Variants in RNF152 observed in about 807,000 individuals in gnomAD.
RNF152 encodes ring finger protein 152, also known as E3 ubiquitin-protein ligase RNF152.
Under a neutral mutation model 12.7 loss-of-function variants are expected in RNF152, and 11 were observed. The ratio of observed to expected loss-of-function variants is 0.86; its 90% CI spans 0.54 to 1.43. The LOEUF (loss-of-function observed/expected upper bound fraction) is 1.43, where lower values mean the gene tolerates loss of function less well. Ranked by LOEUF, RNF152 falls within the 40% of genes most tolerant of loss-of-function variation. The probability of loss-of-function intolerance (pLI) is 0.00; values close to 1 mark genes in which losing one functional copy is unlikely to be tolerated. For missense variants in RNF152, 255 were observed against 274.8 expected (o/e 0.93, Z 0.51); for synonymous variants, 113 against 120.3 (o/e 0.94, Z 0.40).
In RNF152 at chr18:61,814,614, C is replaced by T. The variant is rs551244078; in HGVS notation, c.*1238G>A. The stretch of plus-strand genomic sequence containing the variant: ...TTTGAGCTGTTAGTTTACCTTGCCA[C>T]CTTTCTTGGTAAAAACGTGTTAAAA... On this transcript the variant is annotated 3_prime_UTR_variant, in exon 2 of 2. Transcript: ENST00000312828. The T allele has an allele frequency of 2.6e-5, 4 of 152,322 alleles. No homozygotes were observed. The highest frequency in any genetic ancestry group is 6.5e-5 in the Admixed American group (1 of 15,286). 9.4% of individuals were successfully genotyped at this position (152,322 alleles called of 1,614,324 possible).
intron 1 of RNF152, among the ~76,000 whole-genome samples, chr18:61,882,366 T>C (rs907667830): frequency 6.6e-6 from 1 of 152,250 alleles, no homozygotes; most frequent in African/African-American, 2.4e-5. Flanking sequence ...TTTGCCTTTT[T>C]ATTCGGTGAA....
At chr18:61,828,478 G>A (rs930331543) in intron 1 of RNF152, among the ~76,000 whole-genome samples, 2 of 152,062 alleles carry the variant, frequency 1.3e-5, no homozygotes, top group South Asian at 2.1e-4. Flanking sequence ...AGGCTGAAGT[G>A]CAGTGACACA....
At position 61,831,435 on chromosome 18, in the gene RNF152, C is replaced by T. The variant is rs188345450; in HGVS notation, c.-135-14837G>A. On this transcript the variant is annotated intron_variant, in intron 1 of 1. Coordinates refer to ENST00000312828, the MANE Select transcript of RNF152 (RefSeq NM_173557.3). ...TGCCCAGCACAGTAGATGGCACACA[C>T]TGGGCACTAATTTATTCAATAACGC... 1.8e-4 allele frequency among the ~76,000 whole-genome samples: 27 copies of T among 152,314 alleles called. 1 individual carries two copies. Among genetic ancestry groups the T allele is most frequent in the Admixed American group, 1.8e-3 (27 of 15,300 alleles).
chr18:61,893,375 C>CCACCTCATCAAGTCACCGT (rs1421934658), upstream of RNF152: 3 of 152,626 alleles, frequency 2.0e-5, no homozygotes, highest in Admixed American at 6.5e-5. Context: ...CAAGTCACCG[C>CCACCTCATCAAGTCACCGT]CACCTCATCA....
chr18:61,828,348 C>T (rs1050591163), intron 1 of RNF152, among the ~76,000 whole-genome samples: 42 of 152,208 alleles, frequency 2.8e-4, no homozygotes, highest in African/African-American at 9.7e-4. Flanking sequence ...AACTCCTTGC[C>T]TCAAGCAATC....
Position 61,815,715 on chromosome 18 carries a change from G to T in RNF152, c.*137C>A. 1.1e-6 allele frequency: 1 copy of T among 894,440 alleles called. No homozygotes were observed. Among genetic ancestry groups the T allele is most frequent in the Non-Finnish European group, 1.7e-6 (1 of 575,112 alleles). The allele number at this position is 894,440 out of a possible 1,614,324, so 55.4% of individuals were successfully genotyped here. Reference sequence around the variant, plus strand: ...TTCTGCCCTTTGTGTCTGTCTTGGGGTAATCAAGAGGCAACCCAGAGGCCA... The same window carrying T: ...TTCTGCCCTTTGTGTCTGTCTTGGGTTAATCAAGAGGCAACCCAGAGGCCA... On this transcript the variant is annotated 3_prime_UTR_variant, in exon 2 of 2. Transcript: ENST00000312828.
chr18:61,893,430 TTTCTC>T (rs1913053527), upstream of RNF152: 2 of 152,492 alleles, frequency 1.3e-5, no homozygotes, highest in African/African-American at 4.8e-5. Context: ...GCTTTGGCGA[TTTCTC>T]TACTCTCTCC....
chr18:61,883,453 T>C (rs966322430), intron 1 of RNF152, among the ~76,000 whole-genome samples: 1 of 152,196 alleles, frequency 6.6e-6, no homozygotes, highest in Non-Finnish European at 1.5e-5. Context: ...AAGGCTACAA[T>C]GTTTTTTCCC....
At chr18:61,825,274 T>C (rs1909604995) in intron 1 of RNF152, among the ~76,000 whole-genome samples, 1 of 152,042 alleles carries the variant, frequency 6.6e-6, no homozygotes, top group African/African-American at 2.4e-5. Flanking sequence ...GAGAGAAGGG[T>C]AGACAGAGCA....
At chr18:61,830,391 C>G (rs1909882474) in intron 1 of RNF152, among the ~76,000 whole-genome samples, 1 of 152,256 alleles carries the variant, frequency 6.6e-6, no homozygotes, top group East Asian at 1.9e-4. Flanking sequence ...CTCCCCATTT[C>G]TCCTGCCCCC....
At chr18:61,854,086 C>T (rs1005775525) in intron 1 of RNF152, among the ~76,000 whole-genome samples, 2 of 152,172 alleles carry the variant, frequency 1.3e-5, no homozygotes, top group African/African-American at 4.8e-5. Context: ...GTTCTTTCTG[C>T]CACTGCTTAT....
At chr18:61,820,125 C>G (rs1175885548) in intron 1 of RNF152, among the ~76,000 whole-genome samples, 3 of 149,534 alleles carry the variant, frequency 2.0e-5, no homozygotes, top group East Asian at 4.0e-4. Flanking sequence ...GTCAGGAGAT[C>G]GAGACCATCC....
intron 1 of RNF152, among the ~76,000 whole-genome samples, chr18:61,833,569 T>C (rs12373222): frequency 0.46 from 69,477 of 151,992 alleles, 16,385 homozygotes; most frequent in Non-Finnish European, 0.53. Context: ...CACACAAACA[T>C]GATTTCCTGA....
chr18:61,890,994 C>T (rs1321330320), intron 1 of RNF152, among the ~76,000 whole-genome samples: 5 of 152,180 alleles, frequency 3.3e-5, no homozygotes, highest in African/African-American at 9.7e-5. Flanking sequence ...CTCTCTTGAG[C>T]TTCCATTGAA....
intron 1 of RNF152, among the ~76,000 whole-genome samples, chr18:61,891,999 G>A (rs940118534): frequency 2.0e-4 from 31 of 152,194 alleles, no homozygotes; most frequent in Non-Finnish European, 3.5e-4. Context: ...TGCTAATGCC[G>A]GAGTGTCCTG....
In RNF152 at chr18:61,815,062, A is replaced by G. The variant is rs1415661886; in HGVS notation, c.*790T>C. The stretch of plus-strand genomic sequence containing the variant: ...CACACACACATACACACACAAATAC[A>G]CAATATTTACATTTGAAATTCTTAT... On this transcript the variant is annotated 3_prime_UTR_variant, in exon 2 of 2. Coordinates refer to ENST00000312828, the MANE Select transcript of RNF152 (RefSeq NM_173557.3). 6.6e-6 allele frequency: 1 copy of G among 152,618 alleles called. No homozygotes were observed. Among genetic ancestry groups the G allele is most frequent in the Non-Finnish European group, 1.5e-5 (1 of 68,038 alleles). 9.5% of individuals were successfully genotyped at this position (152,618 alleles called of 1,614,324 possible).
chr18:61,865,951 A>C (rs1267419085), intron 1 of RNF152, among the ~76,000 whole-genome samples: 1 of 152,204 alleles, frequency 6.6e-6, no homozygotes, highest in African/African-American at 2.4e-5. Flanking sequence ...CATGTTGTCC[A>C]ACAGATGATA....
rs148069344 is a variant in RNF152, at chr18:61,858,906, A to G, written c.-136+33889T>C. Among the ~76,000 whole-genome samples the G allele has an allele frequency of 1.9e-3, 284 of 152,346 alleles. 1 individual carries two copies. Among genetic ancestry groups the G allele is most frequent in the African/African-American group, 6.6e-3 (274 of 41,584 alleles). Reference sequence around the variant, plus strand: ...TGGTCAGCAAGCCTGAGACAAAACAAAAACTAAATTTGGGGTCCCCTGGCT... The same window carrying G: ...TGGTCAGCAAGCCTGAGACAAAACAGAAACTAAATTTGGGGTCCCCTGGCT... On this transcript the variant is annotated intron_variant, in intron 1 of 1. Transcript: ENST00000312828.
At chr18:61,890,532 G>C (rs1023646414) in intron 1 of RNF152, 1 of 152,234 alleles carries the variant, frequency 6.6e-6, no homozygotes, top group African/African-American at 2.4e-5. Context: ...TGCAGCATGG[G>C]AAGGAAAGAA....
Sources: gnomAD v4.1 joint callset for allele counts (sites outside exome capture counted in the v4.1 genomes callset) on GRCh38, gnomAD v4.1.1 for gene constraint, MANE v1.5 for transcripts, NCBI Gene and HGNC (gene_info 2026-07-23, HGNC 2026-07-21) for gene names.